Variants in TC2N observed in about 807,000 individuals in gnomAD.
TC2N encodes tandem C2 domains, nuclear, also known as tandem C2 domains nuclear protein.
In TC2N, 51 loss-of-function variants were observed where a neutral mutation model predicts 61.9. The ratio of observed to expected loss-of-function variants is 0.82; its 90% CI spans 0.66 to 1.04. TC2N has a LOEUF of 1.04. Among genes scored for constraint, TC2N ranks in the 50% least tolerant of loss-of-function variants. TC2N has a pLI of 0.00. For missense variants in TC2N, 556 were observed against 566.7 expected, an observed-to-expected ratio of 0.98 and a Z score of 0.19; for synonymous variants, 204 against 192.6, an observed-to-expected ratio of 1.06 and a Z score of -0.49.
chr14:91,798,732 A>G (rs1886046397), intron 6 of TC2N, among the ~76,000 whole-genome samples: 1 of 152,012 alleles, frequency 6.6e-6, no homozygotes, highest in Admixed American at 6.6e-5. Flanking sequence ...ACACTTTAAT[A>G]CAAACAAAAG....
At chr14:91,808,591 AT>A (rs1186330201) in intron 3 of TC2N, among the ~76,000 whole-genome samples, 1 of 152,184 alleles carries the variant, frequency 6.6e-6, no homozygotes, top group Non-Finnish European at 1.5e-5. Context: ...CTTGACTCTA[AT>A]AAAAGTAATT....
chr14:91,846,033 C>CCA (rs972146398), intron 1 of TC2N, among the ~76,000 whole-genome samples: 1 of 152,168 alleles, frequency 6.6e-6, no homozygotes, highest in African/African-American at 2.4e-5. Flanking sequence ...TTACCCTGGT[C>CCA]CACTTCAGAG....
intron 1 of TC2N, among the ~76,000 whole-genome samples, chr14:91,818,242 C>A (rs1477700601): frequency 2.0e-5 from 3 of 152,054 alleles, no homozygotes; most frequent in Non-Finnish European, 2.9e-5. Context: ...CAGAGGGTCC[C>A]ACTCAAGTAT....
chr14:91,797,567 T>C (rs1426510780), intron 8 of TC2N, among the ~76,000 whole-genome samples: 1 of 151,976 alleles, frequency 6.6e-6, no homozygotes, highest in African/African-American at 2.4e-5. Context: ...CTATATATTT[T>C]AGTGAATAAG....
At chr14:91,866,987 G>T (rs1220211568) in intron 1 of TC2N, among the ~76,000 whole-genome samples, 1 of 152,058 alleles carries the variant, frequency 6.6e-6, no homozygotes, top group African/African-American at 2.4e-5. Flanking sequence ...AAGGTAAATG[G>T]ATCCCACATG....
At chr14:91,836,937 A>C (rs1454678903) in intron 1 of TC2N, among the ~76,000 whole-genome samples, 1 of 152,182 alleles carries the variant, frequency 6.6e-6, no homozygotes, top group Non-Finnish European at 1.5e-5. Context: ...TCATGTTGTT[A>C]CTTGACTTTT....
chr14:91,836,182 C>T (rs1225119761), intron 1 of TC2N: 1 of 152,750 alleles, frequency 6.5e-6, no homozygotes, highest in African/African-American at 2.4e-5. Flanking sequence ...CTGACACTCA[C>T]CTCCAGCCCG....
intron 8 of TC2N, among the ~76,000 whole-genome samples, chr14:91,794,141 T>C (rs1885789643): frequency 6.6e-6 from 1 of 152,178 alleles, no homozygotes; most frequent in Non-Finnish European, 1.5e-5. Context: ...CTCTCTTCAA[T>C]TCTATGAAGC....
rs148664299 is a variant in TC2N at position 91,853,560 on chromosome 14, G to A, written c.-57+13702C>T. On this transcript the variant is annotated intron_variant, in intron 1 of 11. Coordinates refer to ENST00000435962, the MANE Select transcript of TC2N (RefSeq NM_001128596.3). ...AGGAACTTTTTGAACATTTCTGCAT[G>A]TATCAATTGAAGTGAAATTGAGTCA... is the stretch of plus-strand genomic sequence containing the variant. 4.6e-5 allele frequency among the ~76,000 whole-genome samples: 7 copies of A among 151,842 alleles called. No individual in the cohort carries two copies. In the East Asian group the frequency reaches 1.2e-3, roughly 25 times the overall value.
intron 1 of TC2N, among the ~76,000 whole-genome samples, chr14:91,855,982 A>G (rs1015754302): frequency 6.6e-6 from 1 of 152,344 alleles, no homozygotes; most frequent in East Asian, 1.9e-4. Context: ...CTCAAAGGCC[A>G]GGAAACCACA....
chr14:91,788,993 T>C (rs1389887446), intron 9 of TC2N, among the ~76,000 whole-genome samples: 1 of 152,084 alleles, frequency 6.6e-6, no homozygotes, highest in African/African-American at 2.4e-5. Context: ...TGAAAAAAAA[T>C]TGCTGTCCTT....
Position 91,799,022 on chromosome 14 carries a change from T to C in TC2N, c.604A>G (p.Arg202Gly), listed in dbSNP as rs142486800. Residue 202 changes from arginine to glycine, a missense_variant, in exon 6 of 12, where the codon AGG (arginine) becomes GGG (glycine). Physicochemically the swap from Arg to Gly is moderately radical, Grantham distance 125. Coordinates refer to ENST00000435962, the MANE Select transcript of TC2N (RefSeq NM_001128596.3). ...LSSVPSSSSS[R>G]KNSQGSNRSL... ...CTGTTACTCCCCTGAGAATTTTTCCTTGAAGAAGAACTACTGGGTACACTG... is the reference window on the plus strand; with the variant it reads ...CTGTTACTCCCCTGAGAATTTTTCCCTGAAGAAGAACTACTGGGTACACTG... The C allele has an allele frequency of 2.5e-6, 4 of 1,599,524 alleles. No individual in the cohort carries two copies. The highest frequency in any genetic ancestry group is 3.4e-6 in the Non-Finnish European group (4 of 1,174,012).
In TC2N at chr14:91,781,120, T is replaced by C. The variant is rs574854404; in HGVS notation, c.*1980A>G. 1.3e-4 allele frequency: 20 copies of C among 152,230 alleles called. No homozygotes were observed. The highest frequency in any genetic ancestry group is 3.4e-3 in the Middle Eastern group (1 of 294). The allele number at this position is 152,230 out of a possible 1,614,324, so 9.4% of individuals were successfully genotyped here. On this transcript the variant is annotated 3_prime_UTR_variant, in exon 12 of 12. Transcript: ENST00000435962. ...ATTAAGTTAAATGCATGACTACATA[T>C]ATTAAATTTGGAAATTCAAAGCATT...
In TC2N at chr14:91,802,253, C is replaced by T. The variant is rs1886286820; in HGVS notation, c.469+1G>A. On this transcript the variant is annotated splice_donor_variant, in intron 4 of 11. Transcript: ENST00000435962. LOFTEE classifies it high-confidence loss of function. The stretch of plus-strand genomic sequence containing the variant: ...AGGAAAAGCACAAAAGATCTTCATA[C>T]CCGATCCATACAGTCTCTTCACTTC... The T allele has an allele frequency of 2.6e-6, 4 of 1,538,070 alleles. No homozygotes were observed. The African/African-American group carries it at 4.3e-5, about 16-fold the overall frequency.
At chr14:91,806,801 G>C (rs1003551314) in intron 3 of TC2N, among the ~76,000 whole-genome samples, 1 of 152,162 alleles carries the variant, frequency 6.6e-6, no homozygotes, top group Non-Finnish European at 1.5e-5. Flanking sequence ...TTGCATAGGT[G>C]ACAAGGAGCC....
chr14:91,805,262 T>C (rs984215995), intron 3 of TC2N, among the ~76,000 whole-genome samples: 49 of 150,102 alleles, frequency 3.3e-4, no homozygotes, highest in Non-Finnish European at 5.4e-4. Context: ...AAAAAAAAAG[T>C]TTTTAATAGA....
intron 3 of TC2N, among the ~76,000 whole-genome samples, chr14:91,803,380 T>TACAC (rs57274606): frequency 0.033 from 4,786 of 145,476 alleles, 246 homozygotes; most frequent in African/African-American, 0.11. Flanking sequence ...CATACATATA[T>TACAC]ACACACACAC....
Position 91,843,687 on chromosome 14 carries a change from G to A in TC2N, c.-57+23575C>T, listed in dbSNP as rs111900635. ...CCCCAGGGAGTTTTAGGACGCCAAA[G>A]CTTTCCTCATCTGTTTTTAAACCCA... On this transcript the variant is annotated intron_variant, in intron 1 of 11. Transcript: ENST00000435962. Among the ~76,000 whole-genome samples, 543 of 152,270 alleles carry A rather than the reference G, an allele frequency of 3.6e-3. 2 individuals are homozygous for A. Among genetic ancestry groups the A allele is most frequent in the African/African-American group, 0.012 (502 of 41,540 alleles).
chr14:91,811,048 A>G (rs1234262834), intron 3 of TC2N, among the ~76,000 whole-genome samples: 1 of 152,158 alleles, frequency 6.6e-6, no homozygotes, highest in Non-Finnish European at 1.5e-5. Flanking sequence ...CAACAAATAT[A>G]CACTTAAAAT....
Sources: gnomAD v4.1 joint callset for allele counts (sites outside exome capture counted in the v4.1 genomes callset) on GRCh38, gnomAD v4.1.1 for gene constraint, MANE v1.5 for transcripts, NCBI Gene and HGNC (gene_info 2026-07-23, HGNC 2026-07-21) for gene names.